Variants in OGDHL observed in about 807,000 individuals in gnomAD.
OGDHL encodes the protein oxoglutarate dehydrogenase L.
Under a neutral mutation model 109.6 loss-of-function variants are expected in OGDHL, and 79 were observed. That is an observed-to-expected ratio of 0.72 (90% CI 0.60 to 0.87). OGDHL has a LOEUF of 0.87. OGDHL is among the 40% of genes least tolerant of loss of function. The pLI is 0.00. For missense variants in OGDHL, 1,275 were observed against 1,362.2 expected, an observed-to-expected ratio of 0.94 and a Z score of 1.01; for synonymous variants, 528 against 537.2, an observed-to-expected ratio of 0.98 and a Z score of 0.24.
At chr10:49,755,994 T>C (rs976678231) in intron 3 of OGDHL, among the ~76,000 whole-genome samples, 12 of 152,130 alleles carry the variant, frequency 7.9e-5, no homozygotes, top group Admixed American at 2.6e-4. Flanking sequence ...CTGCTCACCT[T>C]CCCTCTTCCA....
Position 49,735,183 on chromosome 10 carries a change from T to C in OGDHL, c.*45A>G. The C allele has an allele frequency of 6.4e-7, 1 of 1,572,906 alleles. No homozygotes were observed. The highest frequency in any genetic ancestry group is 2.3e-5 in the East Asian group (1 of 44,262). On this transcript the variant is annotated 3_prime_UTR_variant, in exon 23 of 23. Transcript: ENST00000374103. Reference sequence around the variant, plus strand: ...CCTCCCCTTTTCATCACCCCCTTGGTCCCCAGCAAACCCACAGCGAGACCT... The same window carrying C: ...CCTCCCCTTTTCATCACCCCCTTGGCCCCCAGCAAACCCACAGCGAGACCT...
intron 18 of OGDHL, 25 bp downstream of exon 18, chr10:49,738,166 T>G (rs2132948188): frequency 6.2e-7 from 1 of 1,614,096 alleles, no homozygotes; most frequent in African/African-American, 1.3e-5. Context: ...CGCGTCCCTG[T>G]CCTGGGGACA....
intron 10 of OGDHL, 41 bp from the exon 11 acceptor site, chr10:49,746,018 T>G: frequency 6.2e-7 from 1 of 1,602,774 alleles, no homozygotes; most frequent in South Asian, 1.1e-5. Context: ...CTCAATTTAC[T>G]TAGAGTGAGA....
Position 49,758,445 on chromosome 10 carries a change from T to C in OGDHL, c.148A>G (p.Ser50Gly). The change falls in exon 2 of 23, where the codon AGT (serine) becomes GGT (glycine). Residue 50 changes from serine (S) to glycine (G), a missense_variant. Physicochemically the swap from Ser to Gly is moderately conservative, Grantham distance 56 (BLOSUM62 0). Coordinates refer to ENST00000374103, the MANE Select transcript of OGDHL (RefSeq NM_018245.3). The part of the protein sequence containing the change: ...FPSSKGGGGS[S>G]YMEEMYFAWL... ...GCGAAGTACATCTCCTCCATGTAAC[T>C]GGAGCCGCCTCCACCTTTGCTGCTT... 1.2e-6 allele frequency: 2 copies of C among 1,613,848 alleles called. No homozygotes were observed. The highest frequency in any genetic ancestry group is 1.7e-6 in the Non-Finnish European group (2 of 1,180,012).
At chr10:49,748,969 G>C (rs1229697633) in intron 8 of OGDHL, among the ~76,000 whole-genome samples, 3 of 152,156 alleles carry the variant, frequency 2.0e-5, no homozygotes, top group Admixed American at 6.5e-5. Flanking sequence ...AGCACTTTGG[G>C]AGGCCGAGGC....
intron 1 of OGDHL, among the ~76,000 whole-genome samples, chr10:49,759,915 C>T (rs1843164489): frequency 6.6e-6 from 1 of 152,226 alleles, no homozygotes; most frequent in Admixed American, 6.5e-5. Context: ...AGGCCAGGCC[C>T]TGAGCCAACG....
chr10:49,745,517 G>C lies in OGDHL; in HGVS notation c.1477-21C>G, dbSNP rs771567974. ...CAGACCTGCAGGAGCAGCCAGAGGG[G>C]CTCAGGCCCTTCCCTACGCTGTGTG... On this transcript the variant is annotated intron_variant, in intron 11 of 22. Transcript: ENST00000374103. The C allele has an allele frequency of 7.4e-6, 12 of 1,612,780 alleles. No homozygotes were observed. In the African/African-American group the frequency reaches 1.3e-4, roughly 18 times the overall value.
rs1009993085 is a variant in OGDHL, at chr10:49,753,245, T to C, written c.376-505A>G. 6.6e-5 allele frequency among the ~76,000 whole-genome samples: 10 copies of C among 152,272 alleles called. No homozygotes were observed. The South Asian group carries it at 1.4e-3, about 22-fold the overall frequency. On this transcript the variant is annotated intron_variant, in intron 3 of 22. Coordinates refer to ENST00000374103, the MANE Select transcript of OGDHL (RefSeq NM_018245.3). ...TAAAAAGGAGACACAAATAAATATA[T>C]GCATTAGAAGGGAAAATCATAAAAT...
intron 17 of OGDHL, chr10:49,738,490 C>T (rs1331126682): frequency 1.7e-6 from 1 of 575,804 alleles, no homozygotes; most frequent in African/African-American, 1.9e-5. Flanking sequence ...CTTGCAGGGA[C>T]AGAAGAAAAA....
chr10:49,749,874 T>TC (rs1239778543), intron 7 of OGDHL, 58 bp from the exon 8 acceptor site: 1 of 1,459,656 alleles, frequency 6.9e-7, no homozygotes, highest in Non-Finnish European at 9.3e-7. Flanking sequence ...CAGGGTTCCC[T>TC]CCCCCACTGT....
intron 2 of OGDHL, 84 bp from the exon 3 acceptor site, chr10:49,757,030 T>C: frequency 2.1e-6 from 3 of 1,424,144 alleles, no homozygotes; most frequent in Non-Finnish European, 2.9e-6. Flanking sequence ...CCAAGGAGTG[T>C]CAGGTCTTCC....
In OGDHL at chr10:49,756,756, G is replaced by A; in HGVS notation, c.375+20C>T. 6.2e-7 allele frequency: 1 copy of A among 1,606,122 alleles called. No individual in the cohort carries two copies. Among genetic ancestry groups the A allele is most frequent in the African/African-American group, 1.3e-5 (1 of 74,910 alleles). On this transcript the variant is annotated intron_variant, in intron 3 of 22. Transcript: ENST00000374103. ...AGGAGCCAGTGCAGCCTCCCAGGCT[G>A]TGCCTCAGCTGCCCCTCACCTGGTA...
intron 7 of OGDHL, 37 bp downstream of exon 7, chr10:49,750,802 G>A (rs373905500): frequency 1.9e-4 from 295 of 1,570,626 alleles, no homozygotes; most frequent in Non-Finnish European, 2.4e-4. Flanking sequence ...CTGGGCTGGA[G>A]GAGAATGCGC....
intron 20 of OGDHL, among the ~76,000 whole-genome samples, chr10:49,737,582 C>T (rs181604849): frequency 6.7e-4 from 102 of 152,320 alleles, no homozygotes; most frequent in Non-Finnish European, 1.3e-3. Context: ...CTACCATGGA[C>T]GCAACCCACA....
intron 17 of OGDHL, chr10:49,738,476 T>C: frequency 1.7e-6 from 1 of 589,944 alleles, no homozygotes; most frequent in Non-Finnish European, 3.0e-6. Flanking sequence ...GCACAGTATG[T>C]GAACTTGCAG....
At chr10:49,751,038 G>T in intron 6 of OGDHL, 53 bp from the exon 7 acceptor site, 1 of 1,504,536 alleles carries the variant, frequency 6.6e-7, no homozygotes, top group Non-Finnish European at 9.0e-7. Context: ...AGAGGGAGGG[G>T]ACTGGGGCTC....
intron 8 of OGDHL, among the ~76,000 whole-genome samples, chr10:49,748,450 TCTCA>T (rs1459803824): frequency 6.6e-6 from 1 of 152,070 alleles, no homozygotes; most frequent in Non-Finnish European, 1.5e-5. Flanking sequence ...AAGAATGGAG[TCTCA>T]CTGAGGAACA....
intron 22 of OGDHL, among the ~76,000 whole-genome samples, chr10:49,735,653 T>C (rs1740605935): frequency 6.6e-6 from 1 of 151,930 alleles, no homozygotes; most frequent in Admixed American, 6.6e-5. Flanking sequence ...CTTCTTGGAG[T>C]TTCTCAGGAC....
intron 12 of OGDHL, among the ~76,000 whole-genome samples, chr10:49,744,957 C>T (rs1156819383): frequency 6.6e-6 from 1 of 152,220 alleles, no homozygotes; most frequent in Non-Finnish European, 1.5e-5. Context: ...GGCAGGCCTG[C>T]AGTGCGCTCA....
Sources: gnomAD v4.1 joint callset for allele counts (sites outside exome capture counted in the v4.1 genomes callset) on GRCh38, gnomAD v4.1.1 for gene constraint, MANE v1.5 for transcripts, NCBI Gene and HGNC (gene_info 2026-07-23, HGNC 2026-07-21) for gene names.